Variants in HERC1 observed in about 807,000 individuals in gnomAD.
HERC1 encodes the protein HECT and RLD domain containing E3 ubiquitin protein ligase family member 1.
A neutral mutation model predicts 554.3 loss-of-function variants in HERC1; 160 were observed. The ratio of observed to expected loss-of-function variants is 0.29; its 90% CI spans 0.25 to 0.33. HERC1 has a LOEUF of 0.33. Ranked by LOEUF, HERC1 falls within the 10% of genes least tolerant of loss-of-function variation. HERC1 has a pLI of 1.00. For synonymous variants in HERC1, 2,175 were observed against 2,131.7 expected (o/e 1.02, Z -0.56); for missense variants, 4,919 against 5,918.5 (o/e 0.83, Z 5.54).
At chr15:63,622,709 A>T in intron 74 of HERC1, 106 bp downstream of exon 74, 2 of 718,586 alleles carry the variant, frequency 2.8e-6, no homozygotes, top group Non-Finnish European at 4.5e-6. Flanking sequence ...AGGGGATAAT[A>T]GGTGTAAAGC....
intron 12 of HERC1, among the ~76,000 whole-genome samples, chr15:63,735,587 A>ACC: frequency 6.6e-6 from 1 of 152,122 alleles, no homozygotes; most frequent in East Asian, 1.9e-4. Flanking sequence ...CTGGCTAGAC[A>ACC]AAGGTCCAGG....
Position 63,654,227 on chromosome 15 carries a change from A to G in HERC1, c.10182T>C (p.Thr3394=), listed in dbSNP as rs1386787606. Residue 3394 remains threonine (T), a synonymous_variant, in exon 51 of 78, where the codon ACT becomes ACC. Transcript: ENST00000443617. ...GGTTGTCACGGTCGTGTGCAGCAAG[A>G]GTGCGCACGAGTTGCTGAGCTGCCC... ...RQWAAQQLVR[T]LAAHDRDNQT... is the part of the protein sequence containing the mutation. 1 of 1,613,764 alleles carries G rather than the reference A, an allele frequency of 6.2e-7. No individual in the cohort carries two copies. Among genetic ancestry groups the G allele is most frequent in the Non-Finnish European group, 8.5e-7 (1 of 1,179,658 alleles).
In HERC1 at chr15:63,723,366, T is replaced by C. The variant is rs201114053; in HGVS notation, c.3569-11A>G. On this transcript the variant is annotated splice_polypyrimidine_tract_variant and intron_variant, in intron 18 of 77. Transcript: ENST00000443617. Reference sequence around the variant, plus strand: ...AACTCATACATTTATCTAAAAAAAATACTCACGTTACCAATTTTAACATCA... The same window carrying C: ...AACTCATACATTTATCTAAAAAAAACACTCACGTTACCAATTTTAACATCA... 10 of 1,511,412 alleles carry C rather than the reference T, an allele frequency of 6.6e-6. No homozygotes were observed. Among genetic ancestry groups the C allele is most frequent in the Non-Finnish European group, 2.7e-6 (3 of 1,120,058 alleles). 93.6% of individuals were successfully genotyped at this position (1,511,412 alleles called of 1,614,324 possible). A position where few individuals can be genotyped will look rare whatever the true frequency, so the allele number is the denominator to read the frequency against.
intron 55 of HERC1, among the ~76,000 whole-genome samples, chr15:63,647,085 T>C (rs1182959113): frequency 6.6e-6 from 1 of 151,656 alleles, no homozygotes; most frequent in Non-Finnish European, 1.5e-5. Flanking sequence ...TGAAACCCTG[T>C]CTCTACTAAA....
intron 65 of HERC1, 136 bp from the exon 66 acceptor site, chr15:63,635,024 C>A: frequency 1.7e-6 from 1 of 591,028 alleles, no homozygotes; most frequent in South Asian, 3.2e-5. Flanking sequence ...AAGACCAATG[C>A]TTTTAAAAAT....
chr15:63,774,762 A>T lies in HERC1; in HGVS notation c.862T>A (p.Ser288Thr). 6.2e-7 allele frequency: 1 copy of T among 1,613,976 alleles called. No individual in the cohort carries two copies. The highest frequency in any genetic ancestry group is 8.5e-7 in the Non-Finnish European group (1 of 1,179,870). Reference protein sequence around the residue: ...VHTMEKGKLLSSQEGMISFDC... With the variant: ...VHTMEKGKLLTSQEGMISFDC... Reference sequence around the variant, plus strand: ...AAGCTGATCATTCCTTCCTGGCTTGAGAGTAGTTTGCCTTTCTCCATGGTG... The same window carrying T: ...AAGCTGATCATTCCTTCCTGGCTTGTGAGTAGTTTGCCTTTCTCCATGGTG... Residue 288 changes from serine (S) to threonine (T), a missense_variant, in exon 2 of 78, where the codon TCA (serine) becomes ACA (threonine). Physicochemically the swap from Ser to Thr is moderately conservative, Grantham distance 58 (BLOSUM62 1). Around this residue, in one of 11 missense-constraint regions of HERC1, gnomAD observed 744 missense variants for 1,090.0 expected, o/e 0.68. Coordinates refer to ENST00000443617, the MANE Select transcript of HERC1 (RefSeq NM_003922.4).
intron 26 of HERC1, among the ~76,000 whole-genome samples, chr15:63,697,517 C>T (rs1048239100): frequency 3.4e-5 from 5 of 146,142 alleles, no homozygotes; most frequent in East Asian, 2.0e-4. Flanking sequence ...TGCAATGGCG[C>T]GATCTCGGCT....
intron 3 of HERC1, among the ~76,000 whole-genome samples, chr15:63,761,863 AAAGGTT>A (rs1272791031): frequency 1.3e-5 from 2 of 152,206 alleles, no homozygotes; most frequent in Non-Finnish European, 2.9e-5. Flanking sequence ...ATATAAATGT[AAAGGTT>A]AAGTAAAAAT....
rs369653683 is a variant in HERC1, at chr15:63,655,868, T to C, written c.9958A>G (p.Ile3320Val). The change falls in exon 50 of 78, where the codon ATT (isoleucine) becomes GTT (valine). Residue 3320 changes from isoleucine to valine, a missense_variant. Around this residue, in one of 11 missense-constraint regions of HERC1, gnomAD observed 1,963 missense variants for 2,228.6 expected, o/e 0.88. Coordinates refer to ENST00000443617, the MANE Select transcript of HERC1 (RefSeq NM_003922.4). The stretch of plus-strand genomic sequence containing the variant: ...GTCACAAGCTTGTTCTCTTCAGCAA[T>C]TCCTCGGAGAAAGCTGGGTAGAAAC... ...RKFLPSFLRGIAEENKLVTSP... is the reference protein window; with the variant it reads ...RKFLPSFLRGVAEENKLVTSP... 6.2e-7 allele frequency: 1 copy of C among 1,611,262 alleles called. No homozygotes were observed. The highest frequency in any genetic ancestry group is 8.5e-7 in the Non-Finnish European group (1 of 1,178,732).
chr15:63,651,398 G>A lies in HERC1; in HGVS notation c.10419-18C>T, dbSNP rs979840174. ...CCCCTTCCCTAGAATATAACAGACA[G>A]ATATGCAGTTCTAATCCCCATCATT... On this transcript the variant is annotated intron_variant, in intron 52 of 77. Coordinates refer to ENST00000443617, the MANE Select transcript of HERC1 (RefSeq NM_003922.4). 6.2e-7 allele frequency: 1 copy of A among 1,607,158 alleles called. No homozygotes were observed. Among genetic ancestry groups the A allele is most frequent in the East Asian group, 2.2e-5 (1 of 44,824 alleles).
chr15:63,634,055 A>G (rs2152813596), intron 66 of HERC1, 85 bp from the exon 67 acceptor site: 1 of 1,510,462 alleles, frequency 6.6e-7, no homozygotes, highest in East Asian at 2.3e-5. Flanking sequence ...TCTCTACTTC[A>G]GTGAAAAACT....
At chr15:63,736,877 G>T (rs1377563796) in intron 12 of HERC1, among the ~76,000 whole-genome samples, 2 of 151,958 alleles carry the variant, frequency 1.3e-5, no homozygotes, top group Non-Finnish European at 2.9e-5. Flanking sequence ...AAAGTGCTGG[G>T]ATTACAGGCG....
Position 63,807,793 on chromosome 15 carries a change from TG to T in HERC1, c.-27+26033del, listed in dbSNP as rs59288964. ...TGAGATATGTTCAATCCTACCTTTG[TG>T]CCCCCACTCATGCTGTTGTCCTCTG... On this transcript the variant is annotated intron_variant, in intron 1 of 77. Transcript: ENST00000443617. Among the ~76,000 whole-genome samples, 7 of 152,278 alleles carry T rather than the reference TG, an allele frequency of 4.6e-5. No homozygotes were observed. The East Asian group carries it at 1.3e-3, about 29-fold the overall frequency.
intron 1 of HERC1, among the ~76,000 whole-genome samples, chr15:63,831,103 T>C (rs1200298703): frequency 6.6e-6 from 1 of 152,162 alleles, no homozygotes; most frequent in African/African-American, 2.4e-5. Context: ...TGTTGTTGTT[T>C]GTTTTGTTTT....
chr15:63,767,477 A>T (rs1207229436), intron 2 of HERC1, among the ~76,000 whole-genome samples: 2 of 152,102 alleles, frequency 1.3e-5, no homozygotes, highest in Non-Finnish European at 2.9e-5. Flanking sequence ...AGGCGGGTGG[A>T]TCATCTGAGG....
chr15:63,777,908 C>T (rs1317492925), intron 1 of HERC1, among the ~76,000 whole-genome samples: 4 of 152,144 alleles, frequency 2.6e-5, no homozygotes, highest in East Asian at 1.9e-4. Context: ...AAGTTTAATA[C>T]ACTCTATATA....
chr15:63,716,264 C>T, intron 22 of HERC1, 38 bp downstream of exon 22: 1 of 1,556,584 alleles, frequency 6.4e-7, no homozygotes, highest in African/African-American at 1.4e-5. Context: ...AAAAGCATGC[C>T]ACAGTTTGTA....
chr15:63,655,590 T>C (rs915440414), intron 50 of HERC1, among the ~76,000 whole-genome samples, 152 bp downstream of exon 50: 2 of 152,352 alleles, frequency 1.3e-5, no homozygotes, highest in Middle Eastern at 3.4e-3. Flanking sequence ...TTTGTTTCCA[T>C]ACACAGTGAA....
At chr15:63,654,413 T>C in intron 50 of HERC1, 89 bp from the exon 51 acceptor site, 2 of 1,029,116 alleles carry the variant, frequency 1.9e-6, no homozygotes, top group South Asian at 3.0e-5. Flanking sequence ...TCAGGTGAGA[T>C]TTGGTGGTGG....
Sources: allele counts gnomAD v4.1 joint callset (sites outside exome capture counted in the v4.1 genomes callset), GRCh38; gene constraint gnomAD v4.1.1; regional missense constraint gnomAD v4.1.1; transcripts MANE v1.5; gene names NCBI Gene and HGNC (gene_info 2026-07-23, HGNC 2026-07-21).